SIPA1L3: variants seen among roughly 807,000 people sequenced by gnomAD.
SIPA1L3 encodes signal-induced proliferation-associated 1-like protein 3.
In SIPA1L3, 59 loss-of-function variants were observed where a neutral mutation model predicts 150.1. The observed-to-expected ratio is 0.39, with a 90% CI of 0.32 to 0.49. The LOEUF (loss-of-function observed/expected upper bound fraction) is 0.49, where lower values mean the gene tolerates loss of function less well. SIPA1L3 is among the 20% of genes least tolerant of loss of function. SIPA1L3 has a pLI of 0.86. For synonymous variants in SIPA1L3, 1,070 were observed against 1,077.6 expected, an observed-to-expected ratio of 0.99 and a Z score of 0.14; for missense variants, 2,211 against 2,489.5, an observed-to-expected ratio of 0.89 and a Z score of 2.38.
intron 16 of SIPA1L3, among the ~76,000 whole-genome samples, chr19:38,188,441 T>TC (rs1972735289): frequency 2.0e-5 from 3 of 151,496 alleles, no homozygotes; most frequent in Non-Finnish European, 2.9e-5. Flanking sequence ...TGCCTTGGCC[T>TC]CCAAAGTGCT....
intron 15 of SIPA1L3, among the ~76,000 whole-genome samples, chr19:38,174,100 G>A (rs1972387999): frequency 6.6e-6 from 1 of 152,148 alleles, no homozygotes; most frequent in Non-Finnish European, 1.5e-5. Context: ...AAGGATGCAG[G>A]AGGAAGAGGG....
At chr19:38,117,849 A>G (rs1230508503) in intron 8 of SIPA1L3, among the ~76,000 whole-genome samples, 2 of 151,460 alleles carry the variant, frequency 1.3e-5, no homozygotes, top group Non-Finnish European at 1.5e-5. Context: ...GCAGTGGCAC[A>G]TTCTTGGCTC....
intron 15 of SIPA1L3, among the ~76,000 whole-genome samples, chr19:38,182,132 G>T (rs988709972): frequency 6.8e-4 from 43 of 63,582 alleles, no homozygotes; most frequent in Admixed American, 4.2e-4. Flanking sequence ...CTGAGACCCT[G>T]TCTCAAAAAA....
chr19:38,167,817 G>A (rs183202472), intron 15 of SIPA1L3, among the ~76,000 whole-genome samples: 1 of 152,176 alleles, frequency 6.6e-6, no homozygotes, highest in African/African-American at 2.4e-5. Flanking sequence ...CTCCCATCTC[G>A]GCCTCTCAAA....
chr19:38,200,167 G>A (rs1973052890), intron 19 of SIPA1L3: 1 of 152,206 alleles, frequency 6.6e-6, no homozygotes, highest in Admixed American at 6.5e-5. Context: ...CCACCTCTCA[G>A]GTTCAAGCAA....
At chr19:38,088,077 T>C (rs1009942581) in intron 3 of SIPA1L3, among the ~76,000 whole-genome samples, 3 of 152,220 alleles carry the variant, frequency 2.0e-5, no homozygotes, top group African/African-American at 7.2e-5. Context: ...ATAAAGGTGA[T>C]GCCTAGGGGC....
At position 38,169,796 on chromosome 19, in the gene SIPA1L3, A is replaced by C. The variant is rs188333457; in HGVS notation, c.4208+4890A>C. 8.5e-4 allele frequency among the ~76,000 whole-genome samples: 129 copies of C among 152,292 alleles called. 3 individuals carry two copies. In the East Asian group the frequency reaches 0.019, roughly 22 times the overall value. ...GCCTGACTGACGCATTCCCAGACAGAGACAGCCCAGAGGGGTCAGGTCAAG... is the reference window on the plus strand; with the variant it reads ...GCCTGACTGACGCATTCCCAGACAGCGACAGCCCAGAGGGGTCAGGTCAAG... On this transcript the variant is annotated intron_variant, in intron 15 of 21. Coordinates refer to ENST00000222345, the MANE Select transcript of SIPA1L3 (RefSeq NM_015073.3).
chr19:38,081,644 C>T lies in SIPA1L3; in HGVS notation c.79C>T (p.Pro27Ser), dbSNP rs1969983247. 1 of 1,610,276 alleles carries T rather than the reference C, an allele frequency of 6.2e-7. No homozygotes were observed. Among genetic ancestry groups the T allele is most frequent in the East Asian group, 2.2e-5 (1 of 44,758 alleles). ...SCGARVGDVL[P>S]GPHTGDYAPL... ...TGGCGCCAGGGTGGGCGATGTCCTC[C>T]CTGGGCCACACACAGGGGACTACGC... The change falls in exon 3 of 22, where the codon CCT becomes TCT. Residue 27 changes from proline to serine, a missense_variant. Transcript: ENST00000222345.
intron 1 of SIPA1L3, among the ~76,000 whole-genome samples, chr19:37,948,614 A>G (rs1012644213): frequency 7.9e-5 from 12 of 152,182 alleles, no homozygotes; most frequent in African/African-American, 2.7e-4. Context: ...CCACTCGGGT[A>G]TTTCCTGAGC....
In SIPA1L3 at chr19:38,016,650, G is replaced by A. The variant is rs920928258; in HGVS notation, c.-378-12439G>A. 9.2e-5 allele frequency among the ~76,000 whole-genome samples: 14 copies of A among 151,914 alleles called. 1 individual carries two copies. Among genetic ancestry groups the A allele is most frequent in the African/African-American group, 3.1e-4 (13 of 41,356 alleles). ...TGGGATTACGGGCACATGCCACCAC[G>A]CTCAGCTAACTTTTGTATTTTTAGT... On this transcript the variant is annotated intron_variant, in intron 1 of 21. Transcript: ENST00000222345.
At chr19:38,187,715 C>CAAAAAAAAAAA (rs34187992) in intron 16 of SIPA1L3, among the ~76,000 whole-genome samples, 1 of 59,532 alleles carries the variant, frequency 1.7e-5, no homozygotes, top group Non-Finnish European at 2.9e-5. Flanking sequence ...GACTCCGTCT[C>CAAAAAAAAAAA]AAAAAAAAAA....
chr19:38,120,031 G>T (rs1970981723), intron 9 of SIPA1L3, 149 bp downstream of exon 9: 3 of 607,538 alleles, frequency 4.9e-6, no homozygotes, highest in Non-Finnish European at 8.5e-6. Context: ...TAGACATCTT[G>T]TGGGTTCTGT....
intron 4 of SIPA1L3, among the ~76,000 whole-genome samples, chr19:38,090,598 C>T (rs1263840535): frequency 1.3e-5 from 2 of 152,212 alleles, no homozygotes; most frequent in Non-Finnish European, 2.9e-5. Context: ...CAGAGAGGCC[C>T]AGAAGACCCA....
At chr19:38,147,687 A>C (rs1286054594) in intron 12 of SIPA1L3, among the ~76,000 whole-genome samples, 1 of 152,060 alleles carries the variant, frequency 6.6e-6, no homozygotes, top group Non-Finnish European at 1.5e-5. Context: ...AAAATGGGGG[A>C]GTGCAGAATT....
At chr19:37,973,235 C>CT (rs34272056) in intron 1 of SIPA1L3, among the ~76,000 whole-genome samples, 7,074 of 119,950 alleles carry the variant, frequency 0.059, 248 homozygotes, top group East Asian at 0.11. Context: ...AAAAGCGCAT[C>CT]TTTTTTTTTT....
chr19:38,193,768 C>T lies in SIPA1L3; in HGVS notation c.4828C>T (p.Pro1610Ser). 6.4e-7 allele frequency: 1 copy of T among 1,573,040 alleles called. No homozygotes were observed. The highest frequency in any genetic ancestry group is 8.6e-7 in the Non-Finnish European group (1 of 1,169,026). ...CACCCCTGCCGCCGGCAGCGGCTTT[C>T]CCGAGAAGAAATGTGAGCCTGGGCC... ...GATPAAGSGF[P>S]EKKSTISASE... Residue 1610 changes from proline to serine, a missense_variant, in exon 18 of 22, where the codon CCC becomes TCC. Physicochemically the swap from Pro to Ser is moderately conservative, Grantham distance 74 (BLOSUM62 -1). Transcript: ENST00000222345.
intron 1 of SIPA1L3, among the ~76,000 whole-genome samples, chr19:37,917,319 T>G (rs760533393): frequency 1.5e-4 from 23 of 152,182 alleles, no homozygotes; most frequent in Non-Finnish European, 1.5e-4. Flanking sequence ...AGTTCAGTGA[T>G]AGATCTGACA....
At chr19:38,075,848 A>G (rs1356916794) in intron 2 of SIPA1L3, among the ~76,000 whole-genome samples, 1 of 151,530 alleles carries the variant, frequency 6.6e-6, no homozygotes, top group Non-Finnish European at 1.5e-5. Flanking sequence ...ATTTTTTAAA[A>G]AATAAAATGT....
rs1352866133 is a variant in SIPA1L3 at position 38,206,550 on chromosome 19, G to A, written c.*310G>A. On this transcript the variant is annotated 3_prime_UTR_variant, in exon 22 of 22. Transcript: ENST00000222345. ...CTGTCCCCATCTAGCCTCTTCCTGG[G>A]ACCAGCCCTTCGAAGCTGATGGGGA... is the stretch of plus-strand genomic sequence containing the variant. 6 of 262,196 alleles carry A rather than the reference G, an allele frequency of 2.3e-5. No individual in the cohort carries two copies. The highest frequency in any genetic ancestry group is 1.3e-4 in the African/African-American group (6 of 45,204). 16.2% of individuals were successfully genotyped at this position (262,196 alleles called of 1,614,324 possible). A position where few individuals can be genotyped will look rare whatever the true frequency, so the allele number is the denominator to read the frequency against.
Sources: gnomAD v4.1 joint callset for allele counts (sites outside exome capture counted in the v4.1 genomes callset) on GRCh38, gnomAD v4.1.1 for gene constraint, MANE v1.5 for transcripts, NCBI Gene and HGNC (gene_info 2026-07-23, HGNC 2026-07-21) for gene names.